Variants in TNS3 observed in about 807,000 individuals in gnomAD.
TNS3 encodes the protein tensin 3.
In TNS3, 45 loss-of-function variants were observed where a neutral mutation model predicts 140.9. The ratio of observed to expected loss-of-function variants is 0.32; its 90% CI spans 0.25 to 0.41. The LOEUF (loss-of-function observed/expected upper bound fraction) is 0.41, where lower values mean the gene tolerates loss of function less well. Among genes scored for constraint, TNS3 ranks in the 10% least tolerant of loss-of-function variants. The pLI is 1.00. For synonymous variants in TNS3, 815 were observed against 788.4 expected (o/e 1.03, Z -0.56); for missense variants, 1,716 against 1,906.7 (o/e 0.90, Z 1.86).
At chr7:47,333,773 C>T (rs1360890321) in intron 20 of TNS3, among the ~76,000 whole-genome samples, 1 of 152,170 alleles carries the variant, frequency 6.6e-6, no homozygotes, top group Non-Finnish European at 1.5e-5. Context: ...CACGCTGTGT[C>T]TCTCTATCAG....
intron 3 of TNS3, among the ~76,000 whole-genome samples, chr7:47,494,716 A>G (rs971127568): frequency 6.6e-6 from 1 of 152,186 alleles, no homozygotes; most frequent in Admixed American, 6.5e-5. Flanking sequence ...GCCTAGAAAC[A>G]CACAAAAATG....
intron 16 of TNS3, among the ~76,000 whole-genome samples, chr7:47,382,231 G>A (rs1455534712): frequency 2.0e-5 from 3 of 152,172 alleles, no homozygotes; most frequent in Non-Finnish European, 4.4e-5. Flanking sequence ...CTTGATTTGG[G>A]TGGGGTTGGG....
rs143571202 is a variant in TNS3, at chr7:47,330,015, C to T, written c.2650+14740G>A. Among the ~76,000 whole-genome samples, 424 of 152,324 alleles carry T rather than the reference C, an allele frequency of 2.8e-3. 4 individuals are homozygous for T. The highest frequency in any genetic ancestry group is 9.3e-3 in the African/African-American group (386 of 41,558). On this transcript the variant is annotated intron_variant, in intron 20 of 30. Transcript: ENST00000311160. ...ATCTTTCCTCTCTTGCTTCTTTCTC[C>T]TCAGCTGCAGTGCCAGGGACTAAAG... is the stretch of plus-strand genomic sequence containing the variant.
chr7:47,382,086 T>C (rs1791799055), intron 16 of TNS3, among the ~76,000 whole-genome samples: 1 of 152,196 alleles, frequency 6.6e-6, no homozygotes, highest in Non-Finnish European at 1.5e-5. Flanking sequence ...AATCTTAAAA[T>C]CAGACCACTG....
chr7:47,545,331 G>T (rs1405696647), intron 1 of TNS3, among the ~76,000 whole-genome samples: 2 of 151,988 alleles, frequency 1.3e-5, no homozygotes, highest in East Asian at 3.8e-4. Flanking sequence ...GTAGAGACAG[G>T]GTTTCACCAT....
chr7:47,374,137 A>G (rs926130597), intron 16 of TNS3, among the ~76,000 whole-genome samples: 1 of 152,232 alleles, frequency 6.6e-6, no homozygotes, highest in Admixed American at 6.5e-5. Flanking sequence ...AATTCCAAAG[A>G]AAACAAAAGT....
At chr7:47,385,060 G>T (rs1791995664) in intron 16 of TNS3, among the ~76,000 whole-genome samples, 1 of 152,144 alleles carries the variant, frequency 6.6e-6, no homozygotes, top group South Asian at 2.1e-4. Context: ...CGCCTGCCTT[G>T]TACAGGTCAA....
chr7:47,555,721 T>C (rs370000940), intron 1 of TNS3, among the ~76,000 whole-genome samples: 2 of 152,264 alleles, frequency 1.3e-5, no homozygotes, highest in South Asian at 4.1e-4. Context: ...CAGATGATTG[T>C]TACCATTCTT....
At chr7:47,467,764 A>G (rs193151876) in intron 4 of TNS3, among the ~76,000 whole-genome samples, 3 of 152,296 alleles carry the variant, frequency 2.0e-5, no homozygotes, top group East Asian at 3.9e-4. Context: ...ATTTGAAGAT[A>G]AGAAAACAGA....
chr7:47,291,676 T>A (rs1238947744), intron 27 of TNS3, among the ~76,000 whole-genome samples: 2 of 152,012 alleles, frequency 1.3e-5, no homozygotes, highest in Non-Finnish European at 2.9e-5. Context: ...ATCACCCACA[T>A]CCTGTCTTAC....
chr7:47,438,149 G>A (rs963392963), intron 6 of TNS3, among the ~76,000 whole-genome samples: 2 of 152,244 alleles, frequency 1.3e-5, no homozygotes, highest in African/African-American at 4.8e-5. Flanking sequence ...GGAAAGTGGA[G>A]GGTGGGGGCT....
chr7:47,362,596 G>T (rs1054251668), intron 17 of TNS3, among the ~76,000 whole-genome samples: 1 of 152,164 alleles, frequency 6.6e-6, no homozygotes, highest in East Asian at 1.9e-4. Context: ...ATAGCCATGG[G>T]GTGCAGAGTC....
chr7:47,346,444 A>T (rs1584450845), intron 17 of TNS3, 88 bp from the exon 18 acceptor site: 2 of 1,505,866 alleles, frequency 1.3e-6, no homozygotes. Flanking sequence ...GCTGCTTCTC[A>T]AAGGTGCTGT....
chr7:47,490,078 T>C (rs943836944), intron 3 of TNS3, among the ~76,000 whole-genome samples: 3 of 152,232 alleles, frequency 2.0e-5, no homozygotes, highest in East Asian at 1.9e-4. Context: ...TCCAACCTAA[T>C]TGCAGAAAGA....
chr7:47,490,792 G>A (rs1286523036), intron 3 of TNS3, among the ~76,000 whole-genome samples: 5 of 152,210 alleles, frequency 3.3e-5, no homozygotes, highest in African/African-American at 7.2e-5. Context: ...GCCAGCTCAC[G>A]AATCCATCAC....
intron 3 of TNS3, among the ~76,000 whole-genome samples, chr7:47,506,309 G>T (rs114097697): frequency 6.6e-6 from 1 of 152,132 alleles, no homozygotes; most frequent in African/African-American, 2.4e-5. Context: ...CTTCCCACAC[G>T]GCACTTCCAG....
At chr7:47,554,554 T>C (rs575699051) in intron 1 of TNS3, among the ~76,000 whole-genome samples, 12 of 152,208 alleles carry the variant, frequency 7.9e-5, no homozygotes, top group Non-Finnish European at 1.6e-4. Flanking sequence ...TTTCAACCCT[T>C]ATGAATGATC....
At chr7:47,511,321 C>T (rs1015192839) in intron 2 of TNS3, among the ~76,000 whole-genome samples, 3 of 152,030 alleles carry the variant, frequency 2.0e-5, no homozygotes, top group Admixed American at 1.3e-4. Flanking sequence ...CAGAAGACTG[C>T]ATGCAAGGGT....
chr7:47,278,031 A>C lies in TNS3; in HGVS notation c.*45T>G. ...CCACCCTCACCCAACGGCTGTCTCC[A>C]GGGCTTCGAGAGGCATCGGTGGGTC... is the stretch of plus-strand genomic sequence containing the variant. On this transcript the variant is annotated 3_prime_UTR_variant, in exon 31 of 31. Coordinates refer to ENST00000311160, the MANE Select transcript of TNS3 (RefSeq NM_022748.12). 6.2e-7 allele frequency: 1 copy of C among 1,613,490 alleles called. No individual in the cohort carries two copies. The highest frequency in any genetic ancestry group is 8.5e-7 in the Non-Finnish European group (1 of 1,179,646).
Sources: allele counts gnomAD v4.1 joint callset (sites outside exome capture counted in the v4.1 genomes callset), GRCh38; gene constraint gnomAD v4.1.1; transcripts MANE v1.5; gene names NCBI Gene and HGNC (gene_info 2026-07-23, HGNC 2026-07-21).